Variants in ZNF827 observed in about 807,000 individuals in gnomAD.
The protein encoded by ZNF827 is zinc finger protein 827.
A neutral mutation model predicts 102.4 loss-of-function variants in ZNF827; 13 were observed. The ratio of observed to expected loss-of-function variants is 0.13; its 90% confidence interval spans 0.08 to 0.20. The LOEUF (loss-of-function observed/expected upper bound fraction) is 0.20. Ranked by LOEUF, ZNF827 falls within the 10% of genes least tolerant of loss-of-function variation. The pLI, the probability that ZNF827 is intolerant of heterozygous loss-of-function variation, is 1.00. For synonymous variants in ZNF827, 523 were observed against 536.2 expected, an observed-to-expected ratio of 0.98 and a Z score of 0.34; for missense variants, 1,103 against 1,344.4, an observed-to-expected ratio of 0.82 and a Z score of 2.81.
At chr4:145,835,482 C>A (rs1744728749) in intron 7 of ZNF827, among the ~76,000 whole-genome samples, 1 of 150,786 alleles carries the variant, frequency 6.6e-6, no homozygotes, top group African/African-American at 2.5e-5. Flanking sequence ...TTTTAGTTAT[C>A]CCCACCTGCC....
intron 1 of ZNF827, among the ~76,000 whole-genome samples, chr4:145,925,461 C>T (rs1753355865): frequency 6.6e-6 from 1 of 152,196 alleles, no homozygotes; most frequent in East Asian, 1.9e-4. Flanking sequence ...CACTTGTTAT[C>T]ATATTGATTT....
chr4:145,850,407 T>C (rs1398084796), intron 5 of ZNF827, among the ~76,000 whole-genome samples: 3 of 152,186 alleles, frequency 2.0e-5, no homozygotes, highest in African/African-American at 7.2e-5. Flanking sequence ...CGGAGACATT[T>C]GCACCTTGCT....
chr4:145,771,446 A>C (rs1407167995), intron 11 of ZNF827, among the ~76,000 whole-genome samples: 1 of 152,178 alleles, frequency 6.6e-6, no homozygotes, highest in Non-Finnish European at 1.5e-5. Context: ...TGAGGTATTG[A>C]TAGTTGTATT....
intron 5 of ZNF827, among the ~76,000 whole-genome samples, chr4:145,856,360 T>C (rs1373801537): frequency 6.6e-6 from 1 of 152,158 alleles, no homozygotes; most frequent in Non-Finnish European, 1.5e-5. Flanking sequence ...TGGGAAGTAA[T>C]ATATTAAAAT....
chr4:145,885,666 C>T lies in ZNF827; in HGVS notation c.1747+12G>A, dbSNP rs1750061316. ...AGAGAGAGAGAGAGAGAATACAACC[C>T]TATTCAAGTACCTGACAGCTTCATG... On this transcript the variant is annotated intron_variant, in intron 4 of 14. Coordinates refer to ENST00000508784, the MANE Select transcript of ZNF827 (RefSeq NM_001306215.2). 6.7e-7 allele frequency: 1 copy of T among 1,497,066 alleles called. No homozygotes were observed. The highest frequency in any genetic ancestry group is 8.9e-7 in the Non-Finnish European group (1 of 1,122,632). The allele number at this position is 1,497,066 out of a possible 1,614,324, so 92.7% of individuals were successfully genotyped here. A position where few individuals can be genotyped will look rare whatever the true frequency, so the allele number is the denominator to read the frequency against.
chr4:145,817,819 G>A (rs1742740207), intron 8 of ZNF827, among the ~76,000 whole-genome samples: 1 of 152,162 alleles, frequency 6.6e-6, no homozygotes, highest in Non-Finnish European at 1.5e-5. Flanking sequence ...GTCTAGAAAT[G>A]TTTCTTCTAT....
At chr4:145,919,673 T>C (rs1752919712) in intron 1 of ZNF827, among the ~76,000 whole-genome samples, 1 of 152,180 alleles carries the variant, frequency 6.6e-6, no homozygotes, top group East Asian at 1.9e-4. Context: ...CTGAAATCCA[T>C]CATCCATAAA....
chr4:145,834,142 G>A (rs1370414033), intron 7 of ZNF827, among the ~76,000 whole-genome samples: 1 of 152,140 alleles, frequency 6.6e-6, no homozygotes, highest in Non-Finnish European at 1.5e-5. Context: ...AAACTCGACA[G>A]TAGTTCCAAA....
intron 1 of ZNF827, among the ~76,000 whole-genome samples, chr4:145,917,421 GA>G (rs2126948276): frequency 6.6e-6 from 1 of 152,194 alleles, no homozygotes; most frequent in East Asian, 1.9e-4. Context: ...GAGACAGAGA[GA>G]GCAAGAGAGG....
chr4:145,922,534 T>C (rs1016353102), intron 1 of ZNF827, among the ~76,000 whole-genome samples: 2 of 152,238 alleles, frequency 1.3e-5, no homozygotes, highest in African/African-American at 4.8e-5. Context: ...CCCTGCCAGT[T>C]TCACTTAAGA....
chr4:145,906,815 C>T (rs1751904151), intron 1 of ZNF827, among the ~76,000 whole-genome samples: 1 of 152,232 alleles, frequency 6.6e-6, no homozygotes, highest in Non-Finnish European at 1.5e-5. Context: ...TCTCAACCAT[C>T]CATCCCTCTG....
chr4:145,923,146 AG>A (rs1753193870), intron 1 of ZNF827, among the ~76,000 whole-genome samples: 1 of 152,228 alleles, frequency 6.6e-6, no homozygotes, highest in Non-Finnish European at 1.5e-5. Flanking sequence ...AAATATGAAA[AG>A]TTTATTGAAA....
chr4:145,850,270 A>T (rs559445653), intron 5 of ZNF827, among the ~76,000 whole-genome samples: 1 of 152,250 alleles, frequency 6.6e-6, no homozygotes, highest in South Asian at 2.1e-4. Context: ...TCGGCCTCCA[A>T]AAGTGCTGGG....
At chr4:145,811,198 G>A (rs1741973035) in intron 8 of ZNF827, among the ~76,000 whole-genome samples, 1 of 152,120 alleles carries the variant, frequency 6.6e-6, no homozygotes, top group Admixed American at 6.5e-5. Flanking sequence ...GTTTCACCAT[G>A]TTGGTCAGGC....
intron 1 of ZNF827, among the ~76,000 whole-genome samples, chr4:145,909,977 C>A (rs1752158952): frequency 6.6e-6 from 1 of 152,042 alleles, no homozygotes; most frequent in Admixed American, 6.6e-5. Context: ...GGACACCCAA[C>A]CGCTGTCAGC....
At chr4:145,853,616 A>C (rs1746753740) in intron 5 of ZNF827, among the ~76,000 whole-genome samples, 1 of 149,250 alleles carries the variant, frequency 6.7e-6, no homozygotes, top group African/African-American at 2.6e-5. Context: ...ACAAAAAAAC[A>C]AAAAAAAACT....
At chr4:145,883,180 AC>A (rs1271585141) in intron 4 of ZNF827, among the ~76,000 whole-genome samples, 3 of 152,176 alleles carry the variant, frequency 2.0e-5, no homozygotes, top group Non-Finnish European at 4.4e-5. Flanking sequence ...ATATGCACAC[AC>A]AAAAAAATTA....
intron 7 of ZNF827, among the ~76,000 whole-genome samples, chr4:145,841,361 C>G (rs890397607): frequency 7.9e-5 from 12 of 152,188 alleles, no homozygotes; most frequent in African/African-American, 2.9e-4. Flanking sequence ...ACTTTGAGAT[C>G]TGATTATGAT....
At chr4:145,877,077 T>C (rs1359564845) in intron 4 of ZNF827, among the ~76,000 whole-genome samples, 1 of 152,202 alleles carries the variant, frequency 6.6e-6, no homozygotes, top group Non-Finnish European at 1.5e-5. Context: ...TTTTTAAATA[T>C]GTAAATGTAA....
Sources: gnomAD v4.1 joint callset for allele counts (sites outside exome capture counted in the v4.1 genomes callset) on GRCh38, gnomAD v4.1.1 for gene constraint, MANE v1.5 for transcripts, NCBI Gene and HGNC (gene_info 2026-07-23, HGNC 2026-07-21) for gene names.